Variants in LRP5 observed in about 807,000 individuals in gnomAD.
The protein encoded by LRP5 is LDL receptor related protein 5.
LRP5 carries 62 observed loss-of-function variants against 154.1 expected under a neutral mutation model. The ratio of observed to expected loss-of-function variants is 0.40; its 90% confidence interval spans 0.33 to 0.50. LRP5 has a LOEUF of 0.50. LRP5 is among the 20% of genes least tolerant of loss of function. The pLI is 0.55. For synonymous variants in LRP5, 966 were observed against 1,011.5 expected (o/e 0.96, Z 0.85); for missense variants, 1,915 against 2,336.7 (o/e 0.82, Z 3.72).
At chr11:68,414,095 A>C in intron 12 of LRP5, 83 bp downstream of exon 12, 19 of 1,326,638 alleles carry the variant, frequency 1.4e-5, no homozygotes, top group African/African-American at 4.3e-5. Flanking sequence ...GGAGCTTCTC[A>C]TCTGGGGTTC....
intron 17 of LRP5, among the ~76,000 whole-genome samples, chr11:68,432,912 A>T (rs2098672750): frequency 1.3e-5 from 2 of 152,206 alleles, no homozygotes; most frequent in African/African-American, 4.8e-5. Flanking sequence ...CTCCATGGTC[A>T]CACGTAGGAA....
upstream of LRP5, among the ~76,000 whole-genome samples, chr11:68,308,724 C>T (rs2098585531): frequency 6.6e-6 from 1 of 151,874 alleles, no homozygotes; most frequent in South Asian, 2.1e-4. Context: ...TGCTTTGGGT[C>T]CCAGGCCACA....
chr11:68,429,603 TG>T lies in LRP5; in HGVS notation c.3668del (p.Gly1223AlafsTer29). On this transcript the variant is annotated frameshift_variant, in exon 17 of 23. Transcript: ENST00000294304. LOFTEE classifies it high-confidence loss of function. The part of the protein sequence containing the change: ...SAHPCARDNG[G>X]CSHICIAKGD... ...CCCACCCATGTGCCCGTGACAATGG[TG>T]GCTGCTCCCACATCTGTATTGCCAA... 1 of 1,614,158 alleles carries T rather than the reference TG, an allele frequency of 6.2e-7. No homozygotes were observed. The highest frequency in any genetic ancestry group is 8.5e-7 in the Non-Finnish European group (1 of 1,180,040).
chr11:68,406,649 C>T lies in LRP5; in HGVS notation c.1927C>T (p.Pro643Ser). ...GAGTGACATGAAGACCTGCATCGTG[C>T]CTGAGGCCTTCTTGGTCTTCACCAG... ...LLSDMKTCIV[P>S]EAFLVFTSRA... Residue 643 changes from proline (P) to serine (S), a missense_variant, in exon 9 of 23, where the codon CCT becomes TCT. This residue lies in a region of LRP5 where 773 missense variants were observed against 1,100.9 expected (regional missense o/e 0.70). Transcript: ENST00000294304. The T allele has an allele frequency of 6.2e-7, 1 of 1,614,188 alleles. No individual in the cohort carries two copies. Among genetic ancestry groups the T allele is most frequent in the East Asian group, 2.2e-5 (1 of 44,884 alleles).
intron 7 of LRP5, among the ~76,000 whole-genome samples, chr11:68,399,266 G>A (rs972114114): frequency 1.3e-5 from 2 of 152,008 alleles, no homozygotes; most frequent in African/African-American, 4.8e-5. Context: ...AGCTACTTAG[G>A]CATCTGAGGT....
rs1412284682 is a variant in LRP5, at chr11:68,423,266, G to A, written c.3028-223G>A. 1.3e-5 allele frequency among the ~76,000 whole-genome samples: 2 copies of A among 152,124 alleles called. No homozygotes were observed. The highest frequency in any genetic ancestry group is 4.8e-5 in the African/African-American group (2 of 41,414). ...CACGTAGTTAGGAGCTGATTGGAGA[G>A]GAGAGACCCCCACACCAATACTGGG... On this transcript the variant is annotated intron_variant, in intron 13 of 22. Transcript: ENST00000294304. This position sits in a 1 kb window ranked among gnomAD's most constrained non-coding sequence, Gnocchi z 4.7.
At chr11:68,336,657 CAG>C (rs1169537604) in intron 1 of LRP5, among the ~76,000 whole-genome samples, 1 of 152,128 alleles carries the variant, frequency 6.6e-6, no homozygotes, top group African/African-American at 2.4e-5. Flanking sequence ...TTAATAGAGA[CAG>C]AGTTTCACCG....
At chr11:68,404,996 CA>C (rs1290725005) in intron 8 of LRP5, among the ~76,000 whole-genome samples, 1,550 of 119,472 alleles carry the variant, frequency 0.013, 30 homozygotes, top group African/African-American at 0.042. Context: ...AAAAAAAGTC[CA>C]AAAAAAAAAA....
At chr11:68,316,187 T>C (rs2098593283) in intron 1 of LRP5, among the ~76,000 whole-genome samples, 1 of 152,126 alleles carries the variant, frequency 6.6e-6, no homozygotes, top group Admixed American at 6.6e-5. Flanking sequence ...GAAGGGAATC[T>C]TACAATGCGT....
intron 20 of LRP5, 45 bp from the exon 21 acceptor site, chr11:68,439,732 C>A: frequency 6.3e-7 from 1 of 1,594,954 alleles, no homozygotes; most frequent in Non-Finnish European, 8.5e-7. Context: ...GGCGGCTTGG[C>A]TGAGCCTGGA....
intron 8 of LRP5, among the ~76,000 whole-genome samples, chr11:68,405,819 A>G (rs1462260047): frequency 1.3e-5 from 2 of 152,260 alleles, no homozygotes; most frequent in African/African-American, 2.4e-5. Flanking sequence ...TGCTGGGCCA[A>G]TGTGAGTTTT....
chr11:68,365,450 A>T, intron 4 of LRP5, 121 bp from the exon 5 acceptor site: 1 of 1,459,168 alleles, frequency 6.9e-7, no homozygotes, highest in Non-Finnish European at 9.5e-7. Context: ...CTTGAGGCCG[A>T]TGTTTGGGCA....
chr11:68,302,988 C>T, the LRP5 span, among the ~76,000 whole-genome samples: 2 of 152,158 alleles, frequency 1.3e-5, no homozygotes, highest in Admixed American at 1.3e-4. Flanking sequence ...CCTGGGATGG[C>T]CTTTCCTACT....
chr11:68,441,502 T>C (rs2098678196), intron 21 of LRP5, among the ~76,000 whole-genome samples: 1 of 152,180 alleles, frequency 6.6e-6, no homozygotes, highest in Non-Finnish European at 1.5e-5. Flanking sequence ...CCTGGCTTTG[T>C]TTAGGGACAA....
At chr11:68,409,069 AAAAAATATATATATAT>A (rs1190114611) in intron 9 of LRP5, among the ~76,000 whole-genome samples, 2 of 51,124 alleles carry the variant, frequency 3.9e-5, no homozygotes, top group African/African-American at 1.9e-4. Flanking sequence ...AAAAAAAAAA[AAAAAATATATATATAT>A]ATATATATAT....
chr11:68,334,180 G>T (rs1351834176), intron 1 of LRP5, among the ~76,000 whole-genome samples: 1 of 152,214 alleles, frequency 6.6e-6, no homozygotes, highest in Admixed American at 6.5e-5. Context: ...GTTGCAGTGA[G>T]CCTGGATCGT....
chr11:68,317,509 G>A (rs1481803913), intron 1 of LRP5, among the ~76,000 whole-genome samples: 1 of 152,170 alleles, frequency 6.6e-6, no homozygotes, highest in Non-Finnish European at 1.5e-5. Flanking sequence ...AGAACGGGGT[G>A]CTGGTCCTAT....
chr11:68,423,785 G>C lies in LRP5; in HGVS notation c.3236+88G>C, dbSNP rs1048784847. The C allele has an allele frequency of 4.5e-6, 6 of 1,337,120 alleles. No homozygotes were observed. In the African/African-American group the frequency reaches 8.6e-5, roughly 19 times the overall value. 82.8% of individuals were successfully genotyped at this position (1,337,120 alleles called of 1,614,324 possible). On this transcript the variant is annotated intron_variant, in intron 14 of 22. Coordinates refer to ENST00000294304, the MANE Select transcript of LRP5 (RefSeq NM_002335.4). The surrounding 1 kb of genome is among the most constrained non-coding windows in gnomAD (Gnocchi z 4.7). ...CGAATGCCAGCCTCTCACAGGCTGG[G>C]GAGACTTTCCACCCTGGGGATCCAA... is the stretch of plus-strand genomic sequence containing the variant.
At chr11:68,438,359 C>T (rs1290788718) in intron 19 of LRP5, 87 bp from the exon 20 acceptor site, 5 of 1,291,474 alleles carry the variant, frequency 3.9e-6, no homozygotes, top group Non-Finnish European at 5.6e-6. Flanking sequence ...AAAGCCAGCC[C>T]CTTCAGGGCG....
Sources: gnomAD v4.1 joint callset for allele counts (sites outside exome capture counted in the v4.1 genomes callset) on GRCh38, gnomAD v4.1.1 for gene constraint, gnomAD v4.1.1 regional missense constraint, Gnocchi (gnomAD v3.1) non-coding constraint, MANE v1.5 for transcripts, NCBI Gene and HGNC (gene_info 2026-07-23, HGNC 2026-07-21) for gene names.